The following NAV3 variants were observed in gnomAD, a reference collection of about 807,000 sequenced individuals.
NAV3 encodes pore membrane and/or filament interacting like protein 1.
Under a neutral mutation model 244.7 loss-of-function variants are expected in NAV3, and 87 were observed. That is an observed-to-expected ratio of 0.36 (90% confidence interval 0.30 to 0.42). The LOEUF (loss-of-function observed/expected upper bound fraction) is 0.42. Ranked by LOEUF, NAV3 falls within the 20% of genes least tolerant of loss-of-function variation. The pLI, the probability that NAV3 is intolerant of heterozygous loss-of-function variation, is 1.00. For missense variants in NAV3, 2,663 were observed against 2,893.3 expected (o/e 0.92, Z 1.83); for synonymous variants, 1,126 against 1,042.2 (o/e 1.08, Z -1.55).
At position 77,994,876 on chromosome 12, in the gene NAV3, G is replaced by A; in HGVS notation, c.740+5G>A. The stretch of plus-strand genomic sequence containing the variant: ...CAGTCAAAAAAAGCCTACTAGGTCA[G>A]TTAATATTCTCTAATTTATTGCTTA... On this transcript the variant is annotated splice_donor_5th_base_variant and intron_variant, in intron 6 of 39. Coordinates refer to ENST00000397909, the MANE Select transcript of NAV3 (RefSeq NM_001024383.2). The A allele has an allele frequency of 6.3e-7, 1 of 1,589,676 alleles. No individual in the cohort carries two copies. Among genetic ancestry groups the A allele is most frequent in the East Asian group, 2.3e-5 (1 of 44,380 alleles).
At chr12:77,596,753 TC>T (rs1870186749) in intron 2 of NAV3, among the ~76,000 whole-genome samples, 1 of 152,092 alleles carries the variant, frequency 6.6e-6, no homozygotes, top group South Asian at 2.1e-4. Context: ...GAGGAAGTAG[TC>T]ATTAACTATC....
intron 8 of NAV3, among the ~76,000 whole-genome samples, chr12:78,014,267 C>G (rs1418008589): frequency 6.6e-6 from 1 of 151,846 alleles, no homozygotes; most frequent in Non-Finnish European, 1.5e-5. Flanking sequence ...GTAGTAAATA[C>G]CAAGGAAACA....
chr12:77,900,051 T>G (rs1885087840), intron 1 of NAV3, among the ~76,000 whole-genome samples: 1 of 151,304 alleles, frequency 6.6e-6, no homozygotes, highest in African/African-American at 2.4e-5. Flanking sequence ...CTCTCTCTAG[T>G]GGTCCTCAGT....
intron 3 of NAV3, among the ~76,000 whole-genome samples, chr12:77,957,918 G>C (rs1410258402): frequency 6.6e-6 from 1 of 152,048 alleles, no homozygotes; most frequent in Non-Finnish European, 1.5e-5. Flanking sequence ...TGCCCGCCTT[G>C]GCCTCCCTAA....
intron 1 of NAV3, among the ~76,000 whole-genome samples, chr12:77,854,988 G>A (rs1414631474): frequency 1.3e-5 from 2 of 152,060 alleles, no homozygotes; most frequent in African/African-American, 2.4e-5. Context: ...TTAGCTGGGC[G>A]TGGTGGCGGG....
chr12:78,144,833 A>G (rs996529196), intron 20 of NAV3, among the ~76,000 whole-genome samples: 10 of 149,204 alleles, frequency 6.7e-5, no homozygotes, highest in African/African-American at 2.5e-4. Flanking sequence ...CAAAAAATGT[A>G]AAAAGTAGGC....
intron 3 of NAV3, among the ~76,000 whole-genome samples, chr12:77,963,851 C>G (rs1327849086): frequency 1.1e-5 from 1 of 90,468 alleles, no homozygotes; most frequent in Non-Finnish European, 2.4e-5. Context: ...TTCCTTCCTT[C>G]CCTCCCTCCC....
intron 7 of NAV3, among the ~76,000 whole-genome samples, chr12:78,006,216 A>C (rs1874189806): frequency 6.6e-6 from 1 of 151,960 alleles, no homozygotes; most frequent in Non-Finnish European, 1.5e-5. Flanking sequence ...CCCCCACCCC[A>C]GAATCAATGC....
rs549743377 is a variant in NAV3, at chr12:78,140,195, C to T, written c.4631-87C>T. ...GTTGTTATTACTTAATTTCCCTAAC[C>T]ACCCGTTCTTTACTTTTTCTGTAAA... is the stretch of plus-strand genomic sequence containing the variant. On this transcript the variant is annotated intron_variant, in intron 19 of 39. Transcript: ENST00000397909. 2.7e-5 allele frequency: 29 copies of T among 1,067,200 alleles called. 1 individual carries two copies. Among genetic ancestry groups the T allele is most frequent in the Non-Finnish European group, 3.7e-5 (26 of 695,056 alleles). The allele number at this position is 1,067,200 out of a possible 1,614,324, so 66.1% of individuals were successfully genotyped here. A position where few individuals can be genotyped will look rare whatever the true frequency, so the allele number is the denominator to read the frequency against.
In NAV3 at chr12:78,210,576, G is replaced by A. The variant is rs1960804532; in HGVS notation, c.*59G>A. ...TTTAAAAAAATGTTTCAAAAGAAAG[G>A]TATTTTCACTAAACCACTGCCAGTA... is the stretch of plus-strand genomic sequence containing the variant. On this transcript the variant is annotated 3_prime_UTR_variant, in exon 40 of 40. Transcript: ENST00000397909. 6.3e-7 allele frequency: 1 copy of A among 1,588,706 alleles called. No homozygotes were observed.
chr12:77,866,567 T>A (rs1479887837), intron 1 of NAV3, among the ~76,000 whole-genome samples: 1 of 152,166 alleles, frequency 6.6e-6, no homozygotes, highest in African/African-American at 2.4e-5. Context: ...ATAAATAAGA[T>A]TTTATAGTTT....
At chr12:77,878,851 T>A (rs1882220114) in intron 1 of NAV3, among the ~76,000 whole-genome samples, 1 of 152,110 alleles carries the variant, frequency 6.6e-6, no homozygotes, top group African/African-American at 2.4e-5. Flanking sequence ...GGCAGTGAAA[T>A]TTGGACTTGA....
intron 2 of NAV3, among the ~76,000 whole-genome samples, chr12:77,592,761 C>G (rs986253646): frequency 2.0e-5 from 3 of 152,118 alleles, no homozygotes; most frequent in Admixed American, 2.0e-4. Flanking sequence ...TTCTGGCAGT[C>G]GATTACCCAG....
chr12:78,078,373 C>A (rs1383558003), intron 12 of NAV3, among the ~76,000 whole-genome samples: 1 of 125,350 alleles, frequency 8.0e-6, no homozygotes, highest in African/African-American at 3.0e-5. Flanking sequence ...ACTCTTTCCA[C>A]TCTTTTTTTT....
intron 6 of NAV3, among the ~76,000 whole-genome samples, chr12:77,995,764 G>T (rs1295162364): frequency 6.6e-6 from 1 of 152,018 alleles, no homozygotes; most frequent in Admixed American, 6.6e-5. Flanking sequence ...AATTTTAAAA[G>T]GTATTTAATT....
chr12:78,171,097 A>G, intron 24 of NAV3, among the ~76,000 whole-genome samples: 1 of 151,730 alleles, frequency 6.6e-6, no homozygotes, highest in Non-Finnish European at 1.5e-5. Context: ...TTTTAGGAAA[A>G]CAATTATATA....
intron 15 of NAV3, among the ~76,000 whole-genome samples, chr12:78,120,715 T>C (rs543759286): frequency 4.6e-5 from 7 of 152,310 alleles, no homozygotes; most frequent in African/African-American, 1.4e-4. Flanking sequence ...CAGTTAAAAA[T>C]TGGGGACAAA....
At chr12:77,950,208 T>C (rs1247124990) in intron 3 of NAV3, among the ~76,000 whole-genome samples, 1 of 152,116 alleles carries the variant, frequency 6.6e-6, no homozygotes, top group Non-Finnish European at 1.5e-5. Context: ...CATATGACAT[T>C]TGTTTAGTTT....
At position 78,063,339 on chromosome 12, in the gene NAV3, G is replaced by C. The variant is rs188875608; in HGVS notation, c.2636+4224G>C. Among the ~76,000 whole-genome samples, 577 of 152,186 alleles carry C rather than the reference G, an allele frequency of 3.8e-3. 4 individuals are homozygous for C. The highest frequency in any genetic ancestry group is 0.013 in the African/African-American group (551 of 41,514). On this transcript the variant is annotated intron_variant, in intron 12 of 39. Coordinates refer to ENST00000397909, the MANE Select transcript of NAV3 (RefSeq NM_001024383.2). ...AACTTCACAGATACATTTATAGCTG[G>C]CAGTTAAATATGTGGGTTTTATACA...
Sources: gnomAD v4.1 joint callset for allele counts (sites outside exome capture counted in the v4.1 genomes callset) on GRCh38, gnomAD v4.1.1 for gene constraint, MANE v1.5 for transcripts, NCBI Gene and HGNC (gene_info 2026-07-23, HGNC 2026-07-21) for gene names.